The following RYR3 variants were observed in gnomAD, a reference collection of about 807,000 sequenced individuals.
RYR3 encodes ryanodine receptor 3, also known as brain ryanodine receptor-calcium release channel.
A neutral mutation model predicts 584.3 loss-of-function variants in RYR3; 207 were observed. The ratio of observed to expected loss-of-function variants is 0.35; its 90% CI spans 0.32 to 0.40. The LOEUF (loss-of-function observed/expected upper bound fraction) is 0.40. RYR3 is among the 10% of genes least tolerant of loss of function. The pLI is 1.00. For synonymous variants in RYR3, 2,416 were observed against 2,248.5 expected (o/e 1.07, Z -2.11); for missense variants, 5,616 against 6,089.2 (o/e 0.92, Z 2.59).
At chr15:33,528,362 T>C (rs1351936339) in intron 3 of RYR3, among the ~76,000 whole-genome samples, 2 of 152,172 alleles carry the variant, frequency 1.3e-5, no homozygotes, top group Admixed American at 1.3e-4. Flanking sequence ...CTTTATTCTT[T>C]CCACTTCCAG....
rs1291872169 is a variant in RYR3, at chr15:33,853,629, T to C, written c.13746T>C (p.Leu4582=). 1.9e-6 allele frequency: 3 copies of C among 1,613,880 alleles called. No homozygotes were observed. The African/African-American group carries it at 4.0e-5, about 22-fold the overall frequency. The change falls in exon 96 of 104, where the codon CTT becomes CTC. Residue 4582 remains leucine, a synonymous_variant. Transcript: ENST00000634891. ...TTCTGGGTTTGGACAAAAATGCTCT[T>C]GACTTTAGCCCAGTAGAAGAGACCA... ...AELLGLDKNA[L]DFSPVEETKA...
chr15:33,314,950 AAC>A lies in RYR3; in HGVS notation c.51+3856_51+3857del, dbSNP rs1491503079. Among the ~76,000 whole-genome samples the A allele has an allele frequency of 1.7e-3, 247 of 144,174 alleles. 1 individual carries two copies. The highest frequency in any genetic ancestry group is 5.6e-3 in the African/African-American group (227 of 40,376). The allele number at this position is 144,174 out of a possible 152,430, so 94.6% of individuals were successfully genotyped here. On this transcript the variant is annotated intron_variant, in intron 1 of 103. Transcript: ENST00000634891. ...ACAACAAAAAAAAAAACCAAAAAAAAACAACAACAACAAAAAACGGAACTCAG... is the reference window on the plus strand; with the variant it reads ...ACAACAAAAAAAAAAACCAAAAAAAAAACAACAACAAAAAACGGAACTCAG...
intron 45 of RYR3, among the ~76,000 whole-genome samples, chr15:33,725,686 G>T (rs138724096): frequency 3.3e-5 from 5 of 151,796 alleles, no homozygotes; most frequent in Non-Finnish European, 7.4e-5. Context: ...GAGGCCAGGC[G>T]TGGTGGTTTA....
chr15:33,550,459 CTT>C, intron 10 of RYR3, 143 bp downstream of exon 10: 5 of 743,220 alleles, frequency 6.7e-6, no homozygotes, highest in Non-Finnish European at 1.1e-5. Context: ...ACACTTTCTT[CTT>C]TTATCTTTTG....
rs771618052 is a variant in RYR3, at chr15:33,539,441, C to T, written c.525C>T (p.Ser175=). The T allele has an allele frequency of 1.2e-5, 19 of 1,595,744 alleles. No homozygotes were observed. In the Admixed American group the frequency reaches 1.7e-4, roughly 14 times the overall value. The change falls in exon 6 of 104, where the codon AGC becomes AGT. Residue 175 remains serine, a synonymous_variant. Transcript: ENST00000634891. ...TTGGCGATGACCTCATCCTCGTCAG[C>T]GTGTCCTCTGAAAGATACCTTGTAA... ...VRIGDDLILV[S]VSSERYLHLS...
chr15:33,694,389 C>T (rs898027731), intron 38 of RYR3, among the ~76,000 whole-genome samples: 17 of 142,206 alleles, frequency 1.2e-4, no homozygotes, highest in South Asian at 2.5e-4. Flanking sequence ...GGACTACAGG[C>T]GCCCTCCATC....
chr15:33,854,446 C>T lies in RYR3; in HGVS notation c.13857C>T (p.Asp4619=), dbSNP rs1331590418. The part of the protein sequence containing the change: ...HIWKLGVVFT[D]NSFLYLAWYT... ...GGAAGCTTGGAGTTGTTTTTACTGA[C>T]AACGTAAGTACTGCACCTGGAAAAA... Residue 4619 remains aspartate, a synonymous_variant, in exon 97 of 104, where the codon GAC becomes GAT. Coordinates refer to ENST00000634891, the MANE Select transcript of RYR3 (RefSeq NM_001036.6). 6.4e-7 allele frequency: 1 copy of T among 1,571,382 alleles called. No individual in the cohort carries two copies. Among genetic ancestry groups the T allele is most frequent in the African/African-American group, 1.4e-5 (1 of 73,774 alleles).
At chr15:33,789,976 G>A (rs977141860) in intron 67 of RYR3, among the ~76,000 whole-genome samples, 22 of 117,006 alleles carry the variant, frequency 1.9e-4, no homozygotes, top group South Asian at 1.2e-3. Context: ...GAGCCACCAC[G>A]CCTGGCCTTC....
chr15:33,728,027 G>A (rs942692653), intron 46 of RYR3, among the ~76,000 whole-genome samples: 2 of 152,132 alleles, frequency 1.3e-5, no homozygotes, highest in Non-Finnish European at 2.9e-5. Flanking sequence ...TCCAAATATT[G>A]CAACAGTATG....
chr15:33,410,701 G>GC (rs1187093597), intron 1 of RYR3, among the ~76,000 whole-genome samples: 1 of 152,226 alleles, frequency 6.6e-6, no homozygotes, highest in Non-Finnish European at 1.5e-5. Flanking sequence ...AGTGGCATGG[G>GC]CCCCGCACAG....
At chr15:33,812,771 G>T in intron 72 of RYR3, 92 bp from the exon 73 acceptor site, 1 of 1,259,840 alleles carries the variant, frequency 7.9e-7, no homozygotes, top group South Asian at 1.5e-5. Context: ...GGAGAGTCTT[G>T]ACTCCTACAG....
rs750675022 is a variant in RYR3 at position 33,726,427 on chromosome 15, C to T, written c.6954C>T (p.Ser2318=). 5.0e-6 allele frequency: 8 copies of T among 1,612,468 alleles called. No individual in the cohort carries two copies. The highest frequency in any genetic ancestry group is 3.3e-4 in the Middle Eastern group (2 of 6,082). ...AGGGGGAAGCCATCCGCATCAGGTC[C>T]ATCCTGCGCTCCCTGGTCCCCACAG... ...TGKGEAIRIR[S]ILRSLVPTED... is the part of the protein sequence containing the mutation. The change falls in exon 46 of 104, where the codon TCC becomes TCT. Residue 2318 remains serine, a synonymous_variant. Transcript: ENST00000634891.
At chr15:33,855,717 C>T (rs2079583832) in intron 98 of RYR3, among the ~76,000 whole-genome samples, 1 of 152,084 alleles carries the variant, frequency 6.6e-6, no homozygotes, top group Non-Finnish European at 1.5e-5. Flanking sequence ...ACATAGTACA[C>T]ATTTTATGTG....
At chr15:33,789,648 ATATATATATATTTTTTTTTTTTTT>A in intron 67 of RYR3, among the ~76,000 whole-genome samples, 1 of 24,350 alleles carries the variant, frequency 4.1e-5, no homozygotes, top group Non-Finnish European at 7.3e-5. Context: ...ATATATATAT[ATATATATATATTTTTTTTTTTTTT>A]TTTTTTTTTT....
intron 19 of RYR3, among the ~76,000 whole-genome samples, chr15:33,617,422 CG>C (rs1566792276): frequency 7.4e-6 from 1 of 135,558 alleles, no homozygotes; most frequent in African/African-American, 2.8e-5. Context: ...AAAAAAAAAA[CG>C]TATTTTATAA....
At chr15:33,364,799 CT>C (rs551367111) in intron 1 of RYR3, among the ~76,000 whole-genome samples, 25 of 152,234 alleles carry the variant, frequency 1.6e-4, no homozygotes, top group Admixed American at 1.6e-3. Flanking sequence ...GCAGAAGAAC[CT>C]TAGATTTGGG....
chr15:33,609,702 T>C (rs2060079268), intron 18 of RYR3, among the ~76,000 whole-genome samples: 1 of 152,100 alleles, frequency 6.6e-6, no homozygotes, highest in South Asian at 2.1e-4. Context: ...GTTAAACTAA[T>C]GAAAAAAAAT....
intron 2 of RYR3, among the ~76,000 whole-genome samples, chr15:33,489,847 A>G (rs2050817656): frequency 6.6e-6 from 1 of 152,132 alleles, no homozygotes; most frequent in Non-Finnish European, 1.5e-5. Context: ...CTTTCTCTGC[A>G]CCCTCACCAG....
intron 18 of RYR3, among the ~76,000 whole-genome samples, chr15:33,609,964 C>T (rs1436234238): frequency 6.6e-6 from 1 of 151,898 alleles, no homozygotes; most frequent in African/African-American, 2.4e-5. Context: ...ATAATTTTAC[C>T]TATAGGTGCT....
Sources: allele counts gnomAD v4.1 joint callset (sites outside exome capture counted in the v4.1 genomes callset), GRCh38; gene constraint gnomAD v4.1.1; transcripts MANE v1.5; gene names NCBI Gene and HGNC (gene_info 2026-07-23, HGNC 2026-07-21).